TTC23L: variants seen among roughly 807,000 people sequenced by gnomAD.
TTC23L encodes the protein tetratricopeptide repeat protein 23-like.
TTC23L carries 42 observed loss-of-function variants against 48.1 expected under a neutral mutation model. The ratio of observed to expected loss-of-function variants is 0.87; its 90% confidence interval spans 0.68 to 1.13. The LOEUF is 1.13. Ranked by LOEUF, TTC23L falls within the 50% of genes most tolerant of loss-of-function variation. The pLI, the probability that TTC23L is intolerant of heterozygous loss-of-function variation, is 0.00. For synonymous variants in TTC23L, 159 were observed against 157.2 expected (o/e 1.01, Z -0.09); for missense variants, 391 against 421.0 (o/e 0.93, Z 0.62).
Position 34,897,569 on chromosome 5 carries a change from C to T in TTC23L, c.*97+694C>T, listed in dbSNP as rs1463837501. 3.9e-5 allele frequency among the ~76,000 whole-genome samples: 6 copies of T among 152,124 alleles called. No homozygotes were observed. In the East Asian group the frequency reaches 5.8e-4, roughly 15 times the overall value. ...AACTCCTTGGCTCAAGTGATCCTCC[C>T]GCCTCAGCCTCTCAAAGTCCTGGGA... On this transcript the variant is annotated intron_variant, in intron 10 of 10. Transcript: ENST00000505624.
chr5:34,867,288 G>A, intron 7 of TTC23L: 1 of 590,852 alleles, frequency 1.7e-6, no homozygotes, highest in Non-Finnish European at 3.0e-6. Context: ...CTGTGTCATT[G>A]GCTGTGCAGA....
At chr5:34,913,340 A>G in the TTC23L span, 4 of 481,744 alleles carry the variant, frequency 8.3e-6, no homozygotes, top group Non-Finnish European at 1.5e-5. Flanking sequence ...GTTAGAACCC[A>G]TGACTGTGGC....
intron 4 of TTC23L, among the ~76,000 whole-genome samples, chr5:34,850,922 C>T (rs1015763186): frequency 6.6e-6 from 1 of 152,196 alleles, no homozygotes; most frequent in African/African-American, 2.4e-5. Context: ...GGGTGATACA[C>T]TGAGGCGAGA....
intron 9 of TTC23L, among the ~76,000 whole-genome samples, chr5:34,891,964 A>G (rs990450275): frequency 6.6e-6 from 1 of 152,152 alleles, no homozygotes; most frequent in African/African-American, 2.4e-5. Context: ...GAAAGTCCAT[A>G]TAAGGGGAAA....
chr5:34,908,509 C>T, the TTC23L span: 15 of 296,688 alleles, frequency 5.1e-5, no homozygotes, highest in South Asian at 2.1e-4. Context: ...CACAATTATT[C>T]CCATGAGTTC....
rs1456005006 is a variant in TTC23L at position 34,879,558 on chromosome 5, G to GC, written c.950-622dup. 2.6e-5 allele frequency among the ~76,000 whole-genome samples: 4 copies of GC among 152,238 alleles called. No individual in the cohort carries two copies. In the East Asian group the frequency reaches 7.7e-4, roughly 29 times the overall value. The stretch of plus-strand genomic sequence containing the variant: ...TTTATTTAGCTAAAAATATAGTCTT[G>GC]CAGTATACCTGGGAGTTTAATATGG... On this transcript the variant is annotated intron_variant, in intron 8 of 10. Coordinates refer to ENST00000505624, the Ensembl canonical transcript of TTC23L.
At chr5:34,919,966 T>C in the TTC23L span, 12 of 580,090 alleles carry the variant, frequency 2.1e-5, no homozygotes, top group Non-Finnish European at 2.8e-5. Context: ...TCAGTGACTT[T>C]AAAAATTATT....
intron 9 of TTC23L, among the ~76,000 whole-genome samples, chr5:34,884,891 G>A (rs1399712856): frequency 1.3e-5 from 2 of 152,174 alleles, no homozygotes; most frequent in Non-Finnish European, 2.9e-5. Context: ...TTTTATGTTT[G>A]TTGTTCTGAC....
chr5:34,839,419 A>G (rs1758400081), intron 1 of TTC23L, 160 bp downstream of exon 1: 1 of 155,750 alleles, frequency 6.4e-6, no homozygotes, highest in Non-Finnish European at 1.4e-5. Flanking sequence ...AGAGGCTCTC[A>G]GAGCTCGACC....
At chr5:34,890,462 A>G (rs976364301) in intron 9 of TTC23L, among the ~76,000 whole-genome samples, 7 of 151,290 alleles carry the variant, frequency 4.6e-5, no homozygotes, top group Admixed American at 3.3e-4. Context: ...AAAAAAAAAA[A>G]AAAGGTTGGG....
chr5:34,876,951 C>T (rs143245156), intron 8 of TTC23L, among the ~76,000 whole-genome samples: 181 of 151,792 alleles, frequency 1.2e-3, no homozygotes, highest in African/African-American at 4.2e-3. Context: ...CAAACCTGCA[C>T]ATTCTGCACA....
intron 9 of TTC23L, among the ~76,000 whole-genome samples, chr5:34,887,877 G>A (rs1762636083): frequency 6.6e-6 from 1 of 152,166 alleles, no homozygotes; most frequent in African/African-American, 2.4e-5. Context: ...TACATTGTAA[G>A]GATTTACCAT....
the TTC23L span, chr5:34,905,550 G>A: frequency 6.6e-6 from 1 of 151,058 alleles, no homozygotes; most frequent in East Asian, 1.9e-4. Context: ...AATTCTCGGT[G>A]GAAGCACTAC....
At chr5:34,904,611 T>C in the TTC23L span, among the ~76,000 whole-genome samples, 1 of 151,484 alleles carries the variant, frequency 6.6e-6, no homozygotes, top group East Asian at 1.9e-4. Flanking sequence ...AAAAAAAAGT[T>C]TATGTAACCT....
intron 4 of TTC23L, among the ~76,000 whole-genome samples, chr5:34,854,707 A>C (rs1203166759): frequency 1.3e-5 from 2 of 152,258 alleles, no homozygotes. Flanking sequence ...CTTTTCCAGC[A>C]GCCAAAAGGC....
At chr5:34,840,781 C>A in intron 2 of TTC23L, 42 bp downstream of exon 2, 1 of 1,579,030 alleles carries the variant, frequency 6.3e-7, no homozygotes, top group Non-Finnish European at 8.7e-7. Flanking sequence ...ACTTACTGGG[C>A]TGAAACACTG....
chr5:34,914,244 A>C, the TTC23L span, among the ~76,000 whole-genome samples: 1 of 152,356 alleles, frequency 6.6e-6, no homozygotes, highest in South Asian at 2.1e-4. Flanking sequence ...TATTCTGGAA[A>C]CAAATATTCA....
At chr5:34,887,608 GTTTT>G (rs1277254412) in intron 9 of TTC23L, among the ~76,000 whole-genome samples, 1 of 152,138 alleles carries the variant, frequency 6.6e-6, no homozygotes, top group South Asian at 2.1e-4. Flanking sequence ...TACAGAATCT[GTTTT>G]TTTAATAGTT....
chr5:34,859,804 GTTTTTCTTT>G (rs1214113956), intron 4 of TTC23L, among the ~76,000 whole-genome samples: 2 of 143,122 alleles, frequency 1.4e-5, no homozygotes. Flanking sequence ...TAGCTTATAC[GTTTTTCTTT>G]TTTTTCTTTT....
Sources: allele counts gnomAD v4.1 joint callset (sites outside exome capture counted in the v4.1 genomes callset), GRCh38; gene constraint gnomAD v4.1.1; transcripts MANE v1.5; gene names NCBI Gene and HGNC (gene_info 2026-07-23, HGNC 2026-07-21).